The following SCN9A variants were observed in gnomAD, a reference collection of about 807,000 sequenced individuals.
The protein encoded by SCN9A is sodium channel protein type 9 subunit alpha.
A neutral mutation model predicts 187.0 loss-of-function variants in SCN9A; 131 were observed. The observed-to-expected ratio is 0.70, with a 90% CI of 0.61 to 0.81. The LOEUF is 0.81. Among genes scored for constraint, SCN9A ranks in the 30% least tolerant of loss-of-function variants. SCN9A has a pLI of 0.00. For synonymous variants in SCN9A, 809 were observed against 808.6 expected (o/e 1.00, Z -0.01); for missense variants, 2,252 against 2,396.6 (o/e 0.94, Z 1.26).
In SCN9A at chr2:166,207,064, C is replaced by T. The variant is rs190665970; in HGVS notation, c.4399-2600G>A. Among the ~76,000 whole-genome samples, 10 of 152,204 alleles carry T rather than the reference C, an allele frequency of 6.6e-5. 1 individual carries two copies. The East Asian group carries it at 1.9e-3, about 29-fold the overall frequency. Reference sequence around the variant, plus strand: ...GGGGGGCTAGAAGCTTCAGTTGCTCCCTTTGTTCTCTGCTAATTTCTTAAG... The same window carrying T: ...GGGGGGCTAGAAGCTTCAGTTGCTCTCTTTGTTCTCTGCTAATTTCTTAAG... On this transcript the variant is annotated intron_variant, in intron 24 of 26. Coordinates refer to ENST00000642356, the MANE Select transcript of SCN9A (RefSeq NM_001365536.1).
chr2:166,200,595 C>T (rs1693462683), intron 26 of SCN9A, among the ~76,000 whole-genome samples: 1 of 152,220 alleles, frequency 6.6e-6, no homozygotes, highest in South Asian at 2.1e-4. Context: ...CATGTACACA[C>T]ACAAACAAAT....
chr2:166,203,845 G>C, intron 26 of SCN9A, 110 bp downstream of exon 26: 1 of 681,192 alleles, frequency 1.5e-6, no homozygotes, highest in South Asian at 2.0e-5. Context: ...TCATTGTACT[G>C]ACTTACTCAA....
At chr2:166,262,840 C>A (rs75604540) in intron 17 of SCN9A, among the ~76,000 whole-genome samples, 9,920 of 151,878 alleles carry the variant, frequency 0.065, 367 homozygotes, top group Non-Finnish European at 0.087. Flanking sequence ...TGTGTGTGTG[C>A]GTGCTTTCTT....
At chr2:166,218,140 C>G (rs904009819) in intron 24 of SCN9A, among the ~76,000 whole-genome samples, 9 of 151,470 alleles carry the variant, frequency 5.9e-5, no homozygotes, top group African/African-American at 2.2e-4. Flanking sequence ...CTATACAAAA[C>G]TTTAAAAGAA....
chr2:166,369,899 G>A (rs997143691), intron 1 of SCN9A, among the ~76,000 whole-genome samples: 1 of 151,994 alleles, frequency 6.6e-6, no homozygotes, highest in Non-Finnish European at 1.5e-5. Context: ...TAGAACTCCT[G>A]GATCAAGCAA....
intron 24 of SCN9A, among the ~76,000 whole-genome samples, chr2:166,224,160 T>G (rs564661430): frequency 6.6e-6 from 1 of 152,278 alleles, no homozygotes; most frequent in South Asian, 2.1e-4. Context: ...TACTGCTCTT[T>G]CTAGACACGC....
In SCN9A at chr2:166,333,118, A is replaced by G. The variant is rs987954099; in HGVS notation, c.-50-21312T>C. On this transcript the variant is annotated intron_variant, in intron 1 of 26. Coordinates refer to ENST00000642356, the MANE Select transcript of SCN9A (RefSeq NM_001365536.1). ...GTCTAAACCAGTGGTCCTCAACAGG[A>G]TAATTCTTCCCTACCTCCAGGTGGA... is the stretch of plus-strand genomic sequence containing the variant. Among the ~76,000 whole-genome samples the G allele has an allele frequency of 3.9e-5, 6 of 152,106 alleles. No homozygotes were observed. The East Asian group carries it at 1.2e-3, about 29-fold the overall frequency.
intron 8 of SCN9A, 118 bp from the exon 9 acceptor site, chr2:166,293,490 T>C (rs1698170840): frequency 4.8e-6 from 4 of 838,956 alleles, no homozygotes; most frequent in Non-Finnish European, 7.0e-6. Flanking sequence ...TGAATAAGGA[T>C]TAAGAATACA....
intron 21 of SCN9A, among the ~76,000 whole-genome samples, chr2:166,230,833 G>A (rs1384229766): frequency 6.6e-6 from 1 of 152,228 alleles, no homozygotes; most frequent in East Asian, 1.9e-4. Context: ...TCTAAAAAAT[G>A]TGAGTAATGA....
rs759525610 is a variant in SCN9A at position 166,204,396 on chromosome 2, C to T, written c.4467G>A (p.Gly1489=). The part of the protein sequence containing the change: ...KKYYNAMKKL[G]SKKPQKPIPR... ...GAATTGGCTTTTGTGGCTTCTTGGA[C>T]CCCAGCTTTTTCATTGCATTATAGT... Residue 1489 remains glycine, a synonymous_variant, in exon 25 of 27, where the codon GGG becomes GGA. Transcript: ENST00000642356. 4 of 1,609,316 alleles carry T rather than the reference C, an allele frequency of 2.5e-6. No individual in the cohort carries two copies. The highest frequency in any genetic ancestry group is 3.4e-6 in the Non-Finnish European group (4 of 1,177,930).
At chr2:166,232,762 G>T (rs1357564993) in intron 21 of SCN9A, among the ~76,000 whole-genome samples, 1 of 137,422 alleles carries the variant, frequency 7.3e-6, no homozygotes. Flanking sequence ...TAGAGAGAGA[G>T]AGAGTATGCA....
At chr2:166,318,708 C>A (rs1699168064) in intron 1 of SCN9A, among the ~76,000 whole-genome samples, 1 of 151,972 alleles carries the variant, frequency 6.6e-6, no homozygotes, top group African/African-American at 2.4e-5. Flanking sequence ...TTACTTTACC[C>A]AAAAGGGGCA....
At position 166,280,774 on chromosome 2, in the gene SCN9A, G is replaced by A. The variant is rs578144438; in HGVS notation, c.2105-179C>T. ...TATGTAAGTCTATTATGACATGTTC[G>A]TTGCCTAGATGAAGCATAAGAGAGG... On this transcript the variant is annotated intron_variant, in intron 13 of 26. Coordinates refer to ENST00000642356, the MANE Select transcript of SCN9A (RefSeq NM_001365536.1). Among the ~76,000 whole-genome samples the A allele has an allele frequency of 2.0e-5, 3 of 152,242 alleles. 1 individual carries two copies. The South Asian group carries it at 6.2e-4, about 32-fold the overall frequency.
At chr2:166,286,175 T>G (rs1213126663) in intron 11 of SCN9A, among the ~76,000 whole-genome samples, 161 bp downstream of exon 11, 1 of 152,192 alleles carries the variant, frequency 6.6e-6, no homozygotes, top group Non-Finnish European at 1.5e-5. Flanking sequence ...TGGAAACCTG[T>G]GTACATCTTT....
rs902008860 is a variant in SCN9A at position 166,282,210 on chromosome 2, C to T, written c.1975-402G>A. 2.6e-5 allele frequency among the ~76,000 whole-genome samples: 4 copies of T among 152,096 alleles called. 1 individual carries two copies. The highest frequency in any genetic ancestry group is 4.4e-5 in the Non-Finnish European group (3 of 68,014). On this transcript the variant is annotated intron_variant, in intron 12 of 26. Transcript: ENST00000642356. ...GTGAAAGTGCTGTAGTGCTGTGTAT[C>T]TAAAGGGGTAGAATCTCAGTATTCT... is the stretch of plus-strand genomic sequence containing the variant.
chr2:166,230,768 C>A (rs564410597), intron 21 of SCN9A, among the ~76,000 whole-genome samples: 1 of 152,088 alleles, frequency 6.6e-6, no homozygotes, highest in Non-Finnish European at 1.5e-5. Context: ...TACCACTGTA[C>A]TCTGTGTTTT....
chr2:166,245,919 CTT>C (rs1695767948), intron 18 of SCN9A, among the ~76,000 whole-genome samples: 1 of 151,970 alleles, frequency 6.6e-6, no homozygotes, highest in Admixed American at 6.6e-5. Flanking sequence ...TGTAATGAAT[CTT>C]TTCATGTTTC....
chr2:166,309,556 C>A (rs1698873362), intron 2 of SCN9A, among the ~76,000 whole-genome samples: 1 of 152,002 alleles, frequency 6.6e-6, no homozygotes, highest in South Asian at 2.1e-4. Flanking sequence ...ATGTGAAGGA[C>A]CTCTTCGAGG....
At chr2:166,260,593 T>C (rs1396820617) in intron 17 of SCN9A, among the ~76,000 whole-genome samples, 1 of 151,868 alleles carries the variant, frequency 6.6e-6, no homozygotes, top group Non-Finnish European at 1.5e-5. Context: ...TACTTTTTGT[T>C]GTCAATGATC....
Sources: allele counts gnomAD v4.1 joint callset (sites outside exome capture counted in the v4.1 genomes callset), GRCh38; gene constraint gnomAD v4.1.1; transcripts MANE v1.5; gene names NCBI Gene and HGNC (gene_info 2026-07-23, HGNC 2026-07-21).